The following PPM1L variants were observed in gnomAD, a reference collection of about 807,000 sequenced individuals.
PPM1L encodes protein phosphatase 1L.
PPM1L carries 13 observed loss-of-function variants against 31.4 expected under a neutral mutation model. That is an observed-to-expected ratio of 0.41 (90% CI 0.27 to 0.66). PPM1L has a LOEUF of 0.66. PPM1L is among the 30% of genes least tolerant of loss of function. The pLI is 0.29. For synonymous variants in PPM1L, 184 were observed against 175.4 expected (o/e 1.05, Z -0.39); for missense variants, 326 against 453.7 (o/e 0.72, Z 2.56).
At chr3:160,974,459 A>G (rs1716490432) in intron 2 of PPM1L, among the ~76,000 whole-genome samples, 1 of 150,570 alleles carries the variant, frequency 6.6e-6, no homozygotes, top group South Asian at 2.1e-4. Context: ...TGACTTCCAC[A>G]ATGGTTGAAC....
intron 1 of PPM1L, among the ~76,000 whole-genome samples, chr3:160,946,557 G>A (rs1489242411): frequency 6.6e-6 from 1 of 152,048 alleles, no homozygotes; most frequent in African/African-American, 2.4e-5. Context: ...TCATCTTGTG[G>A]AACTGAGTCC....
rs147384969 is a variant in PPM1L, at chr3:160,786,127, TTCTC to T, written c.399+29448_399+29451del. ...GTTGGATAAAGATGGAATCTCATTT[TTCTC>T]TCTCTCTCTCTCTCTCTCTCTCTCT... is the stretch of plus-strand genomic sequence containing the variant. On this transcript the variant is annotated intron_variant, in intron 1 of 3. Transcript: ENST00000498165. 4.6e-3 allele frequency among the ~76,000 whole-genome samples: 474 copies of T among 103,874 alleles called. 3 individuals carry two copies. Among genetic ancestry groups the T allele is most frequent in the African/African-American group, 9.4e-3 (181 of 19,154 alleles). The allele number at this position is 103,874 out of a possible 152,430, so 68.1% of individuals were successfully genotyped here.
At chr3:160,869,296 G>A (rs1277091974) in intron 1 of PPM1L, among the ~76,000 whole-genome samples, 3 of 152,106 alleles carry the variant, frequency 2.0e-5, no homozygotes, top group African/African-American at 7.2e-5. Context: ...CTATATGAAT[G>A]TCATTACAAT....
chr3:160,760,141 T>A (rs944122109), intron 1 of PPM1L, among the ~76,000 whole-genome samples: 5 of 152,258 alleles, frequency 3.3e-5, no homozygotes, highest in African/African-American at 1.2e-4. Flanking sequence ...CTCAAGGTTC[T>A]AACTTTCAGT....
intron 2 of PPM1L, among the ~76,000 whole-genome samples, chr3:161,064,419 G>A (rs1719665299): frequency 6.6e-6 from 1 of 151,728 alleles, no homozygotes; most frequent in Non-Finnish European, 1.5e-5. Flanking sequence ...GAAAACTAAA[G>A]AGCCATTTAG....
At chr3:160,799,404 T>G (rs1249759099) in intron 1 of PPM1L, among the ~76,000 whole-genome samples, 1 of 152,154 alleles carries the variant, frequency 6.6e-6, no homozygotes, top group Non-Finnish European at 1.5e-5. Flanking sequence ...GGCAAAACCC[T>G]CCACCAGCAA....
At chr3:160,953,475 C>T (rs1715637551) in intron 1 of PPM1L, among the ~76,000 whole-genome samples, 1 of 152,130 alleles carries the variant, frequency 6.6e-6, no homozygotes, top group Non-Finnish European at 1.5e-5. Context: ...TTTAAGTCCA[C>T]TAAAGGTCAA....
At chr3:160,945,235 A>G (rs1240053274) in intron 1 of PPM1L, among the ~76,000 whole-genome samples, 2 of 151,470 alleles carry the variant, frequency 1.3e-5, no homozygotes, top group African/African-American at 4.9e-5. Context: ...TGTGGTAACT[A>G]TCTTAGGCTT....
At chr3:160,825,211 A>G (rs975879218) in intron 1 of PPM1L, among the ~76,000 whole-genome samples, 1 of 152,046 alleles carries the variant, frequency 6.6e-6, no homozygotes, top group Non-Finnish European at 1.5e-5. Context: ...AGTAATTTCT[A>G]TTTGTCTACA....
intron 2 of PPM1L, among the ~76,000 whole-genome samples, chr3:161,030,977 G>A (rs1426940152): frequency 1.3e-5 from 2 of 152,148 alleles, no homozygotes; most frequent in East Asian, 1.9e-4. Flanking sequence ...AAATGGACTT[G>A]ATCTCAAAAA....
At chr3:160,777,047 G>T (rs1431228859) in intron 1 of PPM1L, among the ~76,000 whole-genome samples, 2 of 151,930 alleles carry the variant, frequency 1.3e-5, no homozygotes, top group Non-Finnish European at 2.9e-5. Context: ...TTTCTGCTGG[G>T]CATGGTGGCT....
chr3:160,970,445 ATATTTTTTTTT>A (rs1202652626), intron 2 of PPM1L, among the ~76,000 whole-genome samples: 1 of 33,462 alleles, frequency 3.0e-5, no homozygotes, highest in African/African-American at 5.9e-5. Context: ...ACCAAGCTGA[ATATTTTTTTTT>A]TTTTTTTTTT....
chr3:160,985,998 C>T (rs6770180), intron 2 of PPM1L, among the ~76,000 whole-genome samples: 71,101 of 150,738 alleles, frequency 0.47, 18,047 homozygotes, highest in East Asian at 0.7. Context: ...AAAAATAGCA[C>T]CTCAAAGCTT....
At chr3:160,892,399 AC>A (rs762687843) in intron 1 of PPM1L, among the ~76,000 whole-genome samples, 6 of 152,110 alleles carry the variant, frequency 3.9e-5, no homozygotes, top group Admixed American at 3.3e-4. Flanking sequence ...CAAGGACAGA[AC>A]TAAGACATGA....
At position 160,868,120 on chromosome 3, in the gene PPM1L, C is replaced by A. The variant is rs140139559; in HGVS notation, c.400-93616C>A. 8.7e-4 allele frequency among the ~76,000 whole-genome samples: 133 copies of A among 152,278 alleles called. 1 individual carries two copies. The highest frequency in any genetic ancestry group is 3.1e-3 in the African/African-American group (130 of 41,558). ...CTAAGACTGAAAAATTGTAGGCATC[C>A]TGTTTTAATCCTCTGTAACCCAGCC... On this transcript the variant is annotated intron_variant, in intron 1 of 3. Transcript: ENST00000498165.
chr3:160,907,052 C>T (rs1263116642), intron 1 of PPM1L, among the ~76,000 whole-genome samples: 1 of 152,192 alleles, frequency 6.6e-6, no homozygotes, highest in East Asian at 1.9e-4. Flanking sequence ...GAAGCAATTA[C>T]ATAAATAGCA....
intron 2 of PPM1L, among the ~76,000 whole-genome samples, chr3:161,004,744 A>G (rs202002583): frequency 2.0e-5 from 3 of 148,860 alleles, no homozygotes; most frequent in African/African-American, 7.4e-5. Flanking sequence ...TTTCTTTATT[A>G]GTCTTGCTAG....
chr3:160,767,203 C>A (rs1335497214), intron 1 of PPM1L, among the ~76,000 whole-genome samples: 1 of 151,938 alleles, frequency 6.6e-6, no homozygotes, highest in East Asian at 1.9e-4. Flanking sequence ...CTTGTATGAG[C>A]AGCTGACAGA....
At chr3:161,026,975 C>T (rs1181823189) in intron 2 of PPM1L, among the ~76,000 whole-genome samples, 1 of 152,162 alleles carries the variant, frequency 6.6e-6, no homozygotes, top group Non-Finnish European at 1.5e-5. Context: ...GTGTCAAATT[C>T]TGGCTCTGAA....
Sources: allele counts gnomAD v4.1 joint callset (sites outside exome capture counted in the v4.1 genomes callset), GRCh38; gene constraint gnomAD v4.1.1; transcripts MANE v1.5; gene names NCBI Gene and HGNC (gene_info 2026-07-23, HGNC 2026-07-21).